Variants in CRIM1 observed in about 807,000 individuals in gnomAD.
CRIM1 encodes cysteine rich transmembrane BMP regulator 1, also known as cysteine-rich motor neuron 1 protein.
In CRIM1, 32 loss-of-function variants were observed where a neutral mutation model predicts 116.4. That is an observed-to-expected ratio of 0.27 (90% CI 0.21 to 0.37). The LOEUF (loss-of-function observed/expected upper bound fraction) is 0.37. Ranked by LOEUF, CRIM1 falls within the 10% of genes least tolerant of loss-of-function variation. CRIM1 has a pLI of 1.00. For missense variants in CRIM1, 1,331 were observed against 1,354.8 expected (o/e 0.98, Z 0.28); for synonymous variants, 590 against 509.2 (o/e 1.16, Z -2.13).
intron 2 of CRIM1, among the ~76,000 whole-genome samples, chr2:36,440,073 G>C (rs1675675537): frequency 6.6e-6 from 1 of 152,158 alleles, no homozygotes; most frequent in Admixed American, 6.5e-5. Context: ...ATGACTAGAG[G>C]AACAGGCATG....
At chr2:36,449,602 G>A (rs1311469639) in intron 4 of CRIM1, among the ~76,000 whole-genome samples, 9 of 152,310 alleles carry the variant, frequency 5.9e-5, no homozygotes, top group East Asian at 1.9e-4. Flanking sequence ...CGGTTTTCCA[G>A]TCGAAGAAAG....
rs17018983 is a variant in CRIM1, at chr2:36,523,629, A to G, written c.2428+1316A>G. Among the ~76,000 whole-genome samples the G allele has an allele frequency of 1.6e-3, 247 of 152,372 alleles. 4 individuals are homozygous for G. In the East Asian group the frequency reaches 0.042, roughly 26 times the overall value. ...CACGTCTTAATCAGATAGTGCACCT[A>G]TAATCAGAGTAGCAGATGAAAAAGT... is the stretch of plus-strand genomic sequence containing the variant. On this transcript the variant is annotated intron_variant, in intron 13 of 16. Coordinates refer to ENST00000280527, the MANE Select transcript of CRIM1 (RefSeq NM_016441.3).
intron 2 of CRIM1, among the ~76,000 whole-genome samples, chr2:36,423,302 T>C (rs1276974868): frequency 6.6e-6 from 1 of 152,204 alleles, no homozygotes; most frequent in Non-Finnish European, 1.5e-5. Context: ...GGGTTTCCTA[T>C]AGAGCACGTT....
intron 7 of CRIM1, among the ~76,000 whole-genome samples, chr2:36,491,544 C>G (rs1053577800): frequency 6.6e-6 from 1 of 152,166 alleles, no homozygotes; most frequent in African/African-American, 2.4e-5. Context: ...AATGGGAGCT[C>G]TTCTTTGCCA....
chr2:36,378,139 T>C (rs189327178), intron 1 of CRIM1, among the ~76,000 whole-genome samples: 46 of 152,366 alleles, frequency 3.0e-4, no homozygotes, highest in Admixed American at 2.7e-3. Context: ...TTTAAGGCGA[T>C]AGATGGGTAG....
intron 1 of CRIM1, among the ~76,000 whole-genome samples, chr2:36,380,348 A>G (rs1271020662): frequency 1.3e-5 from 2 of 152,132 alleles, no homozygotes; most frequent in Admixed American, 1.3e-4. Flanking sequence ...ACTGCCCACT[A>G]TGTCATGGTA....
chr2:36,400,651 C>T (rs1179078027), intron 2 of CRIM1, among the ~76,000 whole-genome samples: 1 of 152,120 alleles, frequency 6.6e-6, no homozygotes, highest in African/African-American at 2.4e-5. Flanking sequence ...TTTGAGAAGA[C>T]TTCAAGGGAA....
At chr2:36,385,691 T>C (rs1442549570) in intron 1 of CRIM1, among the ~76,000 whole-genome samples, 2 of 152,148 alleles carry the variant, frequency 1.3e-5, no homozygotes, top group African/African-American at 2.4e-5. Flanking sequence ...GATGCTCAGG[T>C]CTTCCGGATT....
At position 36,514,075 on chromosome 2, in the gene CRIM1, T is replaced by TC. The variant is rs1255363397; in HGVS notation, c.1990+312dup. ...GGCTGATGTTCTTACATTCCAGCTC[T>TC]CCATTTTATTGATAGCATATTAAGT... On this transcript the variant is annotated intron_variant, in intron 11 of 16. Coordinates refer to ENST00000280527, the MANE Select transcript of CRIM1 (RefSeq NM_016441.3). 4.6e-5 allele frequency among the ~76,000 whole-genome samples: 7 copies of TC among 152,376 alleles called. 1 individual carries two copies. The highest frequency in any genetic ancestry group is 1.7e-4 in the African/African-American group (7 of 41,576).
intron 3 of CRIM1, among the ~76,000 whole-genome samples, 176 bp from the exon 4 acceptor site, chr2:36,442,439 A>G (rs760105349): frequency 6.6e-6 from 1 of 152,124 alleles, no homozygotes; most frequent in Non-Finnish European, 1.5e-5. Flanking sequence ...TTACACAGAA[A>G]ATTTGAGGAA....
chr2:36,467,221 C>T (rs1215514696), intron 5 of CRIM1, among the ~76,000 whole-genome samples: 1 of 152,192 alleles, frequency 6.6e-6, no homozygotes, highest in Non-Finnish European at 1.5e-5. Context: ...TCTTTGCTTT[C>T]TTCCTAATCC....
chr2:36,469,982 T>C (rs1166050139), intron 5 of CRIM1, among the ~76,000 whole-genome samples: 4 of 152,306 alleles, frequency 2.6e-5, no homozygotes, highest in African/African-American at 9.6e-5. Context: ...CAATTGAAAC[T>C]AGCAAACATA....
At chr2:36,383,414 A>C (rs1239209878) in intron 1 of CRIM1, among the ~76,000 whole-genome samples, 1 of 152,256 alleles carries the variant, frequency 6.6e-6, no homozygotes, top group African/African-American at 2.4e-5. Context: ...AAGATTTTAA[A>C]TATGAATGCA....
At chr2:36,394,105 G>A (rs377646690) in intron 1 of CRIM1, among the ~76,000 whole-genome samples, 4 of 152,076 alleles carry the variant, frequency 2.6e-5, no homozygotes, top group African/African-American at 7.2e-5. Flanking sequence ...ATGGTGGGAA[G>A]GGATGTTTAC....
At chr2:36,463,993 A>G (rs994984057) in intron 4 of CRIM1, among the ~76,000 whole-genome samples, 1 of 152,196 alleles carries the variant, frequency 6.6e-6, no homozygotes, top group Non-Finnish European at 1.5e-5. Context: ...ATTGCTCAAG[A>G]TGAGAGTGGA....
At chr2:36,441,106 G>A (rs1176711475) in intron 2 of CRIM1, 152 bp from the exon 3 acceptor site, 1 of 1,033,536 alleles carries the variant, frequency 9.7e-7, no homozygotes, top group Non-Finnish European at 1.4e-6. Flanking sequence ...GGTTTTCATT[G>A]TTAGTTAAAC....
intron 10 of CRIM1, 30 bp from the exon 11 acceptor site, chr2:36,513,526 T>C (rs753712423): frequency 1.1e-5 from 17 of 1,601,276 alleles, no homozygotes; most frequent in Non-Finnish European, 1.5e-5. Flanking sequence ...AGTAGCCACT[T>C]CTTTACCAGG....
chr2:36,376,742 C>A (rs1243700678), intron 1 of CRIM1, among the ~76,000 whole-genome samples: 1 of 152,184 alleles, frequency 6.6e-6, no homozygotes, highest in Non-Finnish European at 1.5e-5. Flanking sequence ...GCTGCACCAA[C>A]CACAGCATTT....
chr2:36,396,430 T>C (rs937959944), intron 1 of CRIM1, among the ~76,000 whole-genome samples, 184 bp from the exon 2 acceptor site: 1 of 152,222 alleles, frequency 6.6e-6, no homozygotes, highest in South Asian at 2.1e-4. Context: ...ATTATTTCAC[T>C]TTTTTCAGTT....
Sources: gnomAD v4.1 joint callset for allele counts (sites outside exome capture counted in the v4.1 genomes callset) on GRCh38, gnomAD v4.1.1 for gene constraint, MANE v1.5 for transcripts, NCBI Gene and HGNC (gene_info 2026-07-23, HGNC 2026-07-21) for gene names.